ATP2B3: variants seen among roughly 807,000 people sequenced by gnomAD.
ATP2B3 encodes ATPase plasma membrane Ca2+ transporting 3.
A neutral mutation model predicts 70.8 loss-of-function variants in ATP2B3; 12 were observed. The observed-to-expected ratio is 0.17, with a 90% CI of 0.11 to 0.27. The LOEUF (loss-of-function observed/expected upper bound fraction) is 0.27, where lower values mean the gene tolerates loss of function less well. ATP2B3 is among the 10% of genes least tolerant of loss of function. ATP2B3 has a pLI of 1.00. For missense variants in ATP2B3, 858 were observed against 1,118.5 expected, an observed-to-expected ratio of 0.77 and a Z score of 3.32; for synonymous variants, 460 against 497.8, an observed-to-expected ratio of 0.92 and a Z score of 1.01.
At chrX:153,572,073 CA>C (rs782516992) in intron 21 of ATP2B3, among the ~76,000 whole-genome samples, 51 of 112,958 alleles carry the variant, frequency 4.5e-4, no homozygotes, top group African/African-American at 1.5e-3. Flanking sequence ...TCCTAGAGAT[CA>C]GGGGAAGGAG....
chrX:153,549,437 TCTCA>T, intron 10 of ATP2B3, 56 bp from the exon 11 acceptor site: 1 of 1,201,993 alleles, frequency 8.3e-7, no homozygotes, highest in South Asian at 1.8e-5. Context: ...TGTTGACATC[TCTCA>T]CTCCTCCACC....
At chrX:153,572,230 C>T (rs997130321) in intron 21 of ATP2B3, among the ~76,000 whole-genome samples, 9 of 112,778 alleles carry the variant, frequency 8.0e-5, no homozygotes, top group Non-Finnish European at 1.7e-4. Context: ...CTCCCCTAGA[C>T]AAGAGGGCTG....
intron 12 of ATP2B3, among the ~76,000 whole-genome samples, chrX:153,551,189 G>A (rs1343185502): frequency 8.9e-6 from 1 of 112,468 alleles, no homozygotes; most frequent in East Asian, 2.8e-4. Flanking sequence ...CAGCGACATA[G>A]GAGGGTTCCA....
chrX:153,524,785 C>T (rs1556999143), intron 2 of ATP2B3, among the ~76,000 whole-genome samples: 1 of 111,597 alleles, frequency 9.0e-6, no homozygotes, highest in Non-Finnish European at 1.9e-5. Context: ...CCTGACCTGC[C>T]GGCCCCACCT....
chrX:153,538,113 C>T (rs1477211790), intron 3 of ATP2B3, among the ~76,000 whole-genome samples: 1 of 113,014 alleles, frequency 8.8e-6, no homozygotes, highest in African/African-American at 3.2e-5. Context: ...AGCTGTCGGG[C>T]TTGAGCTGTC....
At chrX:153,562,517 T>C (rs2090639856) in intron 20 of ATP2B3, among the ~76,000 whole-genome samples, 2 of 112,252 alleles carry the variant, frequency 1.8e-5, no homozygotes, top group Non-Finnish European at 3.8e-5. Context: ...CCCCTTCCAA[T>C]TGGGTGGGTA....
chrX:153,547,668 G>A (rs1219081200), intron 8 of ATP2B3, among the ~76,000 whole-genome samples, 167 bp from the exon 9 acceptor site: 1 of 111,273 alleles, frequency 9.0e-6, no homozygotes, highest in Non-Finnish European at 1.9e-5. Flanking sequence ...GAGGGCCTGG[G>A]CTTAGGAGGC....
At chrX:153,522,257 C>T (rs1556998049) in intron 2 of ATP2B3, among the ~76,000 whole-genome samples, 1 of 112,835 alleles carries the variant, frequency 8.9e-6, no homozygotes, top group African/African-American at 3.2e-5. Flanking sequence ...GTGCCAGGCT[C>T]TGTGTTTGCT....
chrX:153,543,197 T>C (rs1557007459), intron 7 of ATP2B3, 29 bp downstream of exon 7: 1 of 1,193,974 alleles, frequency 8.4e-7, no homozygotes, highest in Admixed American at 2.3e-5. Flanking sequence ...CAGTCCCTGG[T>C]GCTGGTGGCG....
chrX:153,557,791 G>T (rs782041145), intron 16 of ATP2B3, among the ~76,000 whole-genome samples: 1 of 110,251 alleles, frequency 9.1e-6, no homozygotes, highest in Non-Finnish European at 1.9e-5. Flanking sequence ...AACAGACCAC[G>T]CTGCTTGGTG....
At chrX:153,557,178 T>A (rs2090551444) in intron 16 of ATP2B3, among the ~76,000 whole-genome samples, 155 bp downstream of exon 16, 1 of 112,115 alleles carries the variant, frequency 8.9e-6, no homozygotes, top group African/African-American at 3.2e-5. Flanking sequence ...CACTTGGGCC[T>A]GCGTGGGCTC....
intron 17 of ATP2B3, chrX:153,559,177 C>T (rs1414648800): frequency 8.8e-6 from 1 of 113,825 alleles, no homozygotes; most frequent in South Asian, 3.7e-4. Flanking sequence ...ACCCAGACCC[C>T]GTGAGCAGTC....
chrX:153,570,515 C>A (rs2090771322), intron 21 of ATP2B3, among the ~76,000 whole-genome samples: 1 of 112,300 alleles, frequency 8.9e-6, no homozygotes, highest in South Asian at 3.7e-4. Context: ...GTAGAAACTT[C>A]CAGAATTGCT....
chrX:153,536,478 G>C (rs2090192894), intron 3 of ATP2B3, 23 bp downstream of exon 3: 3 of 1,174,384 alleles, frequency 2.6e-6, no homozygotes, highest in Non-Finnish European at 2.3e-6. Flanking sequence ...CAGGCTGCAT[G>C]CCACCCAGCC....
Position 153,546,092 on chromosome X carries a change from G to A in ATP2B3, c.921G>A (p.Lys307=). ...GTCATCCCTCTTCCATTGTAGGCAA[G>A]CAGCAGGATGGGGCCATGGAGAGTA... The part of the protein sequence containing the change: ...EEEEKKDKKG[K]QQDGAMESSQ... Residue 307 remains lysine (K), a synonymous_variant, in exon 8 of 22, where the codon AAG becomes AAA. Transcript: ENST00000263519. 8.3e-7 allele frequency: 1 copy of A among 1,211,575 alleles called. No individual in the cohort carries two copies. The highest frequency in any genetic ancestry group is 1.1e-6 in the Non-Finnish European group (1 of 895,450).
At chrX:153,550,322 G>C (rs782782001) in intron 12 of ATP2B3, 36 bp downstream of exon 12, 12 of 1,205,322 alleles carry the variant, frequency 1.0e-5, no homozygotes, top group Non-Finnish European at 1.3e-5. Flanking sequence ...GGGTACGCAC[G>C]GAGTTTCTGA....
intron 2 of ATP2B3, among the ~76,000 whole-genome samples, chrX:153,533,737 C>T (rs929865866): frequency 1.5e-4 from 17 of 111,519 alleles, no homozygotes; most frequent in African/African-American, 5.2e-4. Flanking sequence ...CCTCCTTGCC[C>T]ACTGCCCTCC....
At chrX:153,569,949 T>C (rs2090764333) in intron 21 of ATP2B3, 1 of 470,536 alleles carries the variant, frequency 2.1e-6, no homozygotes, top group African/African-American at 2.4e-5. Flanking sequence ...ATGAAACGTA[T>C]TCAACCCATG....
intron 2 of ATP2B3, among the ~76,000 whole-genome samples, chrX:153,522,964 G>T (rs907773188): frequency 9.0e-6 from 1 of 110,637 alleles, no homozygotes; most frequent in East Asian, 2.8e-4. Context: ...TATAGGAAAC[G>T]TATAAAACAC....
Sources: gnomAD v4.1 joint callset for allele counts (sites outside exome capture counted in the v4.1 genomes callset) on GRCh38, gnomAD v4.1.1 for gene constraint, MANE v1.5 for transcripts, NCBI Gene and HGNC (gene_info 2026-07-23, HGNC 2026-07-21) for gene names.